MBNL1: variants seen among roughly 807,000 people sequenced by gnomAD.
MBNL1 encodes the protein muscleblind-like protein 1.
In MBNL1, 8 loss-of-function variants were observed where a neutral mutation model predicts 42.2. The observed-to-expected ratio is 0.19, with a 90% CI of 0.11 to 0.34. The LOEUF (loss-of-function observed/expected upper bound fraction) is 0.34. MBNL1 is among the 10% of genes least tolerant of loss of function. The pLI is 1.00. For synonymous variants in MBNL1, 169 were observed against 173.9 expected, an observed-to-expected ratio of 0.97 and a Z score of 0.22; for missense variants, 309 against 495.3, an observed-to-expected ratio of 0.62 and a Z score of 3.57.
At chr3:152,414,684 A>G (rs2098666187) in intron 2 of MBNL1, among the ~76,000 whole-genome samples, 1 of 152,162 alleles carries the variant, frequency 6.6e-6, no homozygotes, top group Non-Finnish European at 1.5e-5. Context: ...TGAATCTGGA[A>G]ATGTTAATGC....
At chr3:152,376,854 A>G (rs1052363194) in intron 2 of MBNL1, among the ~76,000 whole-genome samples, 32 of 152,124 alleles carry the variant, frequency 2.1e-4, no homozygotes, top group Admixed American at 7.9e-4. Context: ...TCTTGGGGAA[A>G]ATGGGTCTCG....
intron 2 of MBNL1, among the ~76,000 whole-genome samples, chr3:152,379,349 C>G (rs1218223077): frequency 2.0e-5 from 3 of 152,266 alleles, no homozygotes; most frequent in Admixed American, 2.0e-4. Flanking sequence ...AGCATTTTCC[C>G]TTGGAATAGA....
chr3:152,370,153 A>T (rs1404391827), intron 2 of MBNL1, among the ~76,000 whole-genome samples: 1 of 151,910 alleles, frequency 6.6e-6, no homozygotes, highest in Admixed American at 6.6e-5. Flanking sequence ...AGTGCTATAA[A>T]TTTTTCTCTA....
intron 2 of MBNL1, among the ~76,000 whole-genome samples, chr3:152,310,830 G>T (rs1485001542): frequency 6.6e-6 from 1 of 151,856 alleles, no homozygotes; most frequent in East Asian, 1.9e-4. Flanking sequence ...TGGGGGGGTT[G>T]GGGGGAACCC....
At chr3:152,349,038 A>G (rs2094613948) in intron 2 of MBNL1, among the ~76,000 whole-genome samples, 1 of 152,090 alleles carries the variant, frequency 6.6e-6, no homozygotes, top group Non-Finnish European at 1.5e-5. Context: ...TTACAAAAAT[A>G]AACTGAGGTG....
intron 2 of MBNL1, among the ~76,000 whole-genome samples, chr3:152,334,631 A>G (rs2088217239): frequency 6.6e-6 from 1 of 152,212 alleles, no homozygotes; most frequent in African/African-American, 2.4e-5. Context: ...CCAAGATGGC[A>G]GATAGAATAT....
intron 6 of MBNL1, among the ~76,000 whole-genome samples, chr3:152,452,872 T>C (rs1466971230): frequency 6.6e-6 from 1 of 152,170 alleles, no homozygotes; most frequent in Non-Finnish European, 1.5e-5. Context: ...TTTTGGCTTG[T>C]ATTACAACTC....
chr3:152,389,154 T>A (rs1356947906), intron 2 of MBNL1, among the ~76,000 whole-genome samples: 1 of 152,158 alleles, frequency 6.6e-6, no homozygotes, highest in Non-Finnish European at 1.5e-5. Context: ...AGTGGCGTGA[T>A]CTCGGCTCAC....
At chr3:152,389,789 G>A (rs1243634083) in intron 2 of MBNL1, among the ~76,000 whole-genome samples, 1 of 152,164 alleles carries the variant, frequency 6.6e-6, no homozygotes, top group East Asian at 1.9e-4. Context: ...ATACATGACT[G>A]TTGGCTTTAC....
rs766678090 is a variant in MBNL1, at chr3:152,463,897, C to T, written c.*1531C>T. 6.6e-6 allele frequency: 1 copy of T among 152,468 alleles called. No homozygotes were observed. Among genetic ancestry groups the T allele is most frequent in the East Asian group, 1.9e-4 (1 of 5,184 alleles). 9.4% of individuals were successfully genotyped at this position (152,468 alleles called of 1,614,324 possible). The stretch of plus-strand genomic sequence containing the variant: ...TTCAGTTATAGAACTTTCCATACTT[C>T]CAAGTTTACTGCAAGTTTTTATGCT... On this transcript the variant is annotated 3_prime_UTR_variant, in exon 10 of 10. Transcript: ENST00000324210.
chr3:152,256,460 C>T (rs1413169403), intron 2 of MBNL1, among the ~76,000 whole-genome samples: 4 of 152,064 alleles, frequency 2.6e-5, no homozygotes, highest in African/African-American at 9.7e-5. Flanking sequence ...GTTTATTGTT[C>T]CCAAATCCCA....
At chr3:152,364,754 GA>G (rs982262637) in intron 2 of MBNL1, among the ~76,000 whole-genome samples, 45 of 151,526 alleles carry the variant, frequency 3.0e-4, no homozygotes, top group Non-Finnish European at 5.5e-4. Context: ...AACCTGAGGG[GA>G]AAAAAAATTG....
chr3:152,250,980 G>C (rs1023948199), intron 2 of MBNL1, among the ~76,000 whole-genome samples: 1 of 152,062 alleles, frequency 6.6e-6, no homozygotes. Flanking sequence ...ACATCAAAAA[G>C]CTTATCCACC....
At chr3:152,272,079 G>A (rs1327964366) in intron 1 of MBNL1, among the ~76,000 whole-genome samples, 2 of 148,960 alleles carry the variant, frequency 1.3e-5, no homozygotes, top group Non-Finnish European at 1.5e-5. Flanking sequence ...CTTTCATGGT[G>A]TCTAGAAAAT....
At chr3:152,346,120 G>A (rs539760009) in intron 2 of MBNL1, among the ~76,000 whole-genome samples, 1 of 152,256 alleles carries the variant, frequency 6.6e-6, no homozygotes, top group East Asian at 1.9e-4. Flanking sequence ...AATGCCAGAG[G>A]TCGGATTCAT....
intron 2 of MBNL1, among the ~76,000 whole-genome samples, chr3:152,245,231 G>C (rs1006863731): frequency 2.6e-5 from 4 of 152,022 alleles, no homozygotes; most frequent in Non-Finnish European, 5.9e-5. Context: ...CACTAATCCA[G>C]AATAATACCT....
intron 2 of MBNL1, among the ~76,000 whole-genome samples, chr3:152,253,780 T>A (rs919059042): frequency 3.9e-5 from 6 of 152,038 alleles, no homozygotes; most frequent in African/African-American, 1.4e-4. Flanking sequence ...TTTATTTGGG[T>A]CTCTTCTCAA....
intron 2 of MBNL1, among the ~76,000 whole-genome samples, chr3:152,391,407 C>T (rs983107653): frequency 6.6e-6 from 1 of 152,204 alleles, no homozygotes; most frequent in East Asian, 1.9e-4. Context: ...TTGACACTAC[C>T]TTTCAAATTT....
At chr3:152,390,085 G>T (rs558357534) in intron 2 of MBNL1, among the ~76,000 whole-genome samples, 1 of 151,496 alleles carries the variant, frequency 6.6e-6, no homozygotes, top group African/African-American at 2.4e-5. Context: ...GGCCAGGCTG[G>T]TCTCGAACTC....
Sources: gnomAD v4.1 joint callset for allele counts (sites outside exome capture counted in the v4.1 genomes callset) on GRCh38, gnomAD v4.1.1 for gene constraint, MANE v1.5 for transcripts, NCBI Gene and HGNC (gene_info 2026-07-23, HGNC 2026-07-21) for gene names.